The following LDLRAD4 variants were observed in gnomAD, a reference collection of about 807,000 sequenced individuals.
The protein encoded by LDLRAD4 is low density lipoprotein receptor class A domain containing 4, also known as low-density lipoprotein receptor class A domain-containing protein 4.
LDLRAD4 carries 5 observed loss-of-function variants against 17.0 expected under a neutral mutation model. That is an observed-to-expected ratio of 0.29 (90% CI 0.15 to 0.62). The LOEUF is 0.62. Among genes scored for constraint, LDLRAD4 ranks in the 20% least tolerant of loss-of-function variants. The pLI, the probability that LDLRAD4 is intolerant of heterozygous loss-of-function variation, is 0.84. For synonymous variants in LDLRAD4, 168 were observed against 171.8 expected (o/e 0.98, Z 0.17); for missense variants, 340 against 424.7 (o/e 0.80, Z 1.75).
intron 4 of LDLRAD4, 39 bp from the exon 6 acceptor site, chr18:13,643,320 T>G: frequency 7.3e-7 from 1 of 1,372,360 alleles, no homozygotes; most frequent in Non-Finnish European, 9.9e-7. Flanking sequence ...TTCCTCTGTT[T>G]CTTGTTCCCC....
chr18:13,414,373 A>AGTTCAGTACC (rs2088670870), intron 2 of LDLRAD4, among the ~76,000 whole-genome samples: 1 of 152,256 alleles, frequency 6.6e-6, no homozygotes, highest in African/African-American at 2.4e-5. Flanking sequence ...GTGAATGTAC[A>AGTTCAGTACC]GTTCAGTACC....
At chr18:13,564,541 T>C (rs1469439315) in intron 3 of LDLRAD4, among the ~76,000 whole-genome samples, 1 of 150,090 alleles carries the variant, frequency 6.7e-6, no homozygotes, top group Non-Finnish European at 1.5e-5. Context: ...TTTTCTGTTT[T>C]TGAGAATGGA....
intron 1 of LDLRAD4, among the ~76,000 whole-genome samples, chr18:13,280,599 A>G (rs1045928338): frequency 1.1e-4 from 17 of 152,166 alleles, no homozygotes; most frequent in African/African-American, 4.1e-4. Flanking sequence ...GACGTGATTA[A>G]GCACAAAGGC....
At chr18:13,445,772 T>A (rs964616857) in intron 3 of LDLRAD4, among the ~76,000 whole-genome samples, 1 of 151,112 alleles carries the variant, frequency 6.6e-6, no homozygotes, top group African/African-American at 2.4e-5. Context: ...TGTGGGTGTG[T>A]GTGTGTGTGA....
At chr18:13,526,695 A>G (rs974746767) in intron 3 of LDLRAD4, 1 of 152,250 alleles carries the variant, frequency 6.6e-6, no homozygotes, top group Admixed American at 6.5e-5. Flanking sequence ...AGCACTTGCC[A>G]TGTGTCATCG....
intron 2 of LDLRAD4, among the ~76,000 whole-genome samples, chr18:13,435,780 G>A (rs541844132): frequency 4.6e-5 from 7 of 152,294 alleles, no homozygotes; most frequent in East Asian, 1.9e-4. Flanking sequence ...TGTTGTTTCC[G>A]TTATCTAAGA....
intron 3 of LDLRAD4, among the ~76,000 whole-genome samples, chr18:13,502,762 T>C (rs1212250197): frequency 6.6e-6 from 1 of 152,154 alleles, no homozygotes; most frequent in Non-Finnish European, 1.5e-5. Flanking sequence ...ATGAAACAGG[T>C]CTTCTCAGTG....
rs2046508731 is a variant in LDLRAD4 at position 13,300,189 on chromosome 18, C to T, written c.-383+22001C>T. Among the ~76,000 whole-genome samples the T allele has an allele frequency of 6.6e-6, 1 of 152,196 alleles. No individual in the cohort carries two copies. The highest frequency in any genetic ancestry group is 2.4e-5 in the African/African-American group (1 of 41,452). ...GCTTGTCTCTGGAGAGCCGTGGTTC[C>T]AGGGCCAGCAGGTGCCTCCTTACAG... On this transcript the variant is annotated intron_variant, in intron 1 of 5. Coordinates refer to ENST00000359446, the Ensembl canonical transcript of LDLRAD4. This position sits in a 1 kb window ranked among gnomAD's most constrained non-coding sequence, Gnocchi z 4.2.
chr18:13,290,666 ATG>A (rs566172371), intron 1 of LDLRAD4, among the ~76,000 whole-genome samples: 2 of 152,194 alleles, frequency 1.3e-5, no homozygotes, highest in African/African-American at 4.8e-5. Context: ...TTACCTTCAG[ATG>A]TGTGAGCTAC....
At chr18:13,252,843 G>A (rs28526284) in intron 1 of LDLRAD4, among the ~76,000 whole-genome samples, 22,543 of 152,256 alleles carry the variant, frequency 0.15, 1,896 homozygotes, top group East Asian at 0.26. Context: ...GCCCTTCTGC[G>A]GAGCAGTGTT....
intron 1 of LDLRAD4, among the ~76,000 whole-genome samples, chr18:13,291,876 G>A (rs533325824): frequency 2.0e-5 from 3 of 152,274 alleles, no homozygotes; most frequent in African/African-American, 4.8e-5. Context: ...AGCATGGGGC[G>A]TTTTTCATTT....
At chr18:13,288,037 G>T (rs1327666968) in intron 1 of LDLRAD4, among the ~76,000 whole-genome samples, 1 of 152,226 alleles carries the variant, frequency 6.6e-6, no homozygotes, top group Non-Finnish European at 1.5e-5. Context: ...TCTCCAAAGT[G>T]ATCACTCTAT....
At chr18:13,276,665 ATC>A (rs2044889275), upstream of LDLRAD4, among the ~76,000 whole-genome samples, 1 of 152,234 alleles carries the variant, frequency 6.6e-6, no homozygotes, top group African/African-American at 2.4e-5. Context: ...CACAGGCCCC[ATC>A]ATGAGGTGGC....
intron 1 of LDLRAD4, among the ~76,000 whole-genome samples, chr18:13,321,292 T>G (rs2081206296): frequency 6.6e-6 from 1 of 152,196 alleles, no homozygotes; most frequent in Admixed American, 6.5e-5. Flanking sequence ...CTCCTGAACA[T>G]TATGAGTCTG....
At chr18:13,249,759 C>A (rs2043142077) in intron 1 of LDLRAD4, among the ~76,000 whole-genome samples, 1 of 152,030 alleles carries the variant, frequency 6.6e-6, no homozygotes, top group South Asian at 2.1e-4. Context: ...TCGATATAAT[C>A]CCATTTGATT....
upstream of LDLRAD4, among the ~76,000 whole-genome samples, chr18:13,274,966 C>G (rs542968780): frequency 4.6e-5 from 7 of 151,790 alleles, no homozygotes; most frequent in African/African-American, 1.5e-4. Context: ...GAGTTTGAGG[C>G]TGCAGTGAGC....
chr18:13,648,837 A>C (rs2043120965), exon 6 of LDLRAD4: 1 of 152,206 alleles, frequency 6.6e-6, no homozygotes, highest in Non-Finnish European at 1.5e-5. Context: ...CTTGAATCCC[A>C]TCTATAAGAA....
chr18:13,525,110 A>AT (rs1386570461), intron 3 of LDLRAD4, among the ~76,000 whole-genome samples: 1 of 152,178 alleles, frequency 6.6e-6, no homozygotes, highest in South Asian at 2.1e-4. Context: ...CAAGGACTAA[A>AT]TTCATCTGGA....
At chr18:13,591,106 C>T (rs1224629753) in intron 3 of LDLRAD4, among the ~76,000 whole-genome samples, 2 of 152,200 alleles carry the variant, frequency 1.3e-5, no homozygotes, top group African/African-American at 4.8e-5. Context: ...TCTCTGAAAG[C>T]AGAAAGACAG....
Sources: allele counts gnomAD v4.1 joint callset (sites outside exome capture counted in the v4.1 genomes callset), GRCh38; gene constraint gnomAD v4.1.1; non-coding constraint Gnocchi (gnomAD v3.1); transcripts MANE v1.5; gene names NCBI Gene and HGNC (gene_info 2026-07-23, HGNC 2026-07-21).